HDGFL2: variants seen among roughly 807,000 people sequenced by gnomAD.
The protein encoded by HDGFL2 is hepatoma-derived growth factor-related protein 2.
Under a neutral mutation model 77.1 loss-of-function variants are expected in HDGFL2, and 36 were observed. The ratio of observed to expected loss-of-function variants is 0.47; its 90% CI spans 0.36 to 0.62. The LOEUF (loss-of-function observed/expected upper bound fraction) is 0.62. Ranked by LOEUF, HDGFL2 falls within the 20% of genes least tolerant of loss-of-function variation. HDGFL2 has a pLI of 0.00. For synonymous variants in HDGFL2, 463 were observed against 413.1 expected, an observed-to-expected ratio of 1.12 and a Z score of -1.46; for missense variants, 976 against 973.4, an observed-to-expected ratio of 1.00 and a Z score of -0.04.
At chr19:4,491,418 C>T in intron 4 of HDGFL2, 148 bp from the exon 5 acceptor site, 1 of 664,912 alleles carries the variant, frequency 1.5e-6, no homozygotes, top group Non-Finnish European at 2.7e-6. Context: ...GTTCAAGATC[C>T]CTGGTTTGAT....
In HDGFL2 at chr19:4,494,196, G is replaced by A. The variant is rs1488398118; in HGVS notation, c.945G>A (p.Glu315=). 1.3e-6 allele frequency: 2 copies of A among 1,488,964 alleles called. No homozygotes were observed. The highest frequency in any genetic ancestry group is 1.3e-5 in the South Asian group (1 of 75,026). The allele number at this position is 1,488,964 out of a possible 1,614,324, so 92.2% of individuals were successfully genotyped here. The change falls in exon 9 of 16, where the codon GAG becomes GAA. Residue 315 remains glutamate (E), a synonymous_variant. Transcript: ENST00000616600. ...GCGACGAGGTGGACCGCATCAGTGA[G>A]TGGAAGCGGCGGGACGAGGCGCGGA... ...SDSDEVDRIS[E]WKRRDEARRR...
intron 3 of HDGFL2, among the ~76,000 whole-genome samples, chr19:4,487,359 C>G (rs1975389438): frequency 1.3e-5 from 2 of 152,030 alleles, no homozygotes; most frequent in Admixed American, 1.3e-4. Flanking sequence ...TAGGCTCAAG[C>G]GATCCTCCTG....
intron 15 of HDGFL2, chr19:4,501,523 G>A: frequency 3.6e-6 from 2 of 554,512 alleles, no homozygotes; most frequent in South Asian, 2.7e-5. Context: ...CAGCTCCAGG[G>A]CTTTGAGCTG....
chr19:4,499,404 AG>A, intron 13 of HDGFL2, 86 bp from the exon 14 acceptor site: 1 of 1,164,650 alleles, frequency 8.6e-7, no homozygotes, highest in Non-Finnish European at 1.2e-6. Flanking sequence ...GGGCTGCGGG[AG>A]GGGCGCATTG....
intron 1 of HDGFL2, chr19:4,474,969 T>C (rs930319808): frequency 3.5e-5 from 11 of 315,846 alleles, no homozygotes; most frequent in African/African-American, 2.2e-4. Context: ...TGGGAGTCCA[T>C]AGACGCTGAG....
chr19:4,498,423 C>T, intron 12 of HDGFL2, 47 bp downstream of exon 12: 1 of 1,439,796 alleles, frequency 6.9e-7, no homozygotes, highest in Non-Finnish European at 9.8e-7. Flanking sequence ...GCTGCCACCT[C>T]CCTGCCAGGC....
intron 3 of HDGFL2, among the ~76,000 whole-genome samples, chr19:4,480,348 C>A (rs1002931796): frequency 3.9e-5 from 6 of 152,186 alleles, no homozygotes; most frequent in African/African-American, 1.4e-4. Context: ...AGCTCCCAGG[C>A]TGGCATTCTT....
chr19:4,501,776 C>T (rs1367287851), intron 15 of HDGFL2, 135 bp from the exon 16 acceptor site: 2 of 611,972 alleles, frequency 3.3e-6, no homozygotes, highest in African/African-American at 1.9e-5. Flanking sequence ...AGAAGACAGG[C>T]AGATAGGAGG....
chr19:4,475,230 T>A lies in HDGFL2; in HGVS notation c.73-45T>A, dbSNP rs1474441677. The A allele has an allele frequency of 2.6e-6, 4 of 1,561,774 alleles. No individual in the cohort carries two copies. The East Asian group carries it at 9.0e-5, about 35-fold the overall frequency. Reference sequence around the variant, plus strand: ...CTTGGCTGATTTCTCGGTGATTTCCTGGGTCAGTGGGTAAAGCCACCCCCT... The same window carrying A: ...CTTGGCTGATTTCTCGGTGATTTCCAGGGTCAGTGGGTAAAGCCACCCCCT... On this transcript the variant is annotated intron_variant, in intron 1 of 15. Coordinates refer to ENST00000616600, the MANE Select transcript of HDGFL2 (RefSeq NM_001001520.3).
chr19:4,490,496 G>A (rs1288245001), intron 4 of HDGFL2, among the ~76,000 whole-genome samples: 1 of 152,220 alleles, frequency 6.6e-6, no homozygotes, highest in Non-Finnish European at 1.5e-5. Context: ...GGCCATTCCA[G>A]ATCAGGCTGC....
intron 9 of HDGFL2, among the ~76,000 whole-genome samples, chr19:4,494,954 G>A (rs1975661959): frequency 6.6e-6 from 1 of 151,956 alleles, no homozygotes; most frequent in African/African-American, 2.4e-5. Context: ...CTGTACAGAT[G>A]ACATGAGGGT....
At chr19:4,493,451 G>A (rs1975602428) in intron 6 of HDGFL2, among the ~76,000 whole-genome samples, 1 of 152,106 alleles carries the variant, frequency 6.6e-6, no homozygotes, top group African/African-American at 2.4e-5. Context: ...GGCTTCTGAT[G>A]TACCCGGTTC....
At chr19:4,484,289 GGCCAGGCTGGTCTCGAACTCCT>G (rs1382372519) in intron 3 of HDGFL2, among the ~76,000 whole-genome samples, 4 of 148,736 alleles carry the variant, frequency 2.7e-5, no homozygotes, top group Admixed American at 6.8e-5. Flanking sequence ...TGGCCATCTT[GGCCAGGCTGGTCTCGAACTCCT>G]GACCTCAGGT....
At chr19:4,484,649 G>A (rs928855589) in intron 3 of HDGFL2, among the ~76,000 whole-genome samples, 24 of 140,364 alleles carry the variant, frequency 1.7e-4, no homozygotes, top group African/African-American at 5.4e-4. Context: ...ACAGGCACCC[G>A]CCATCACGCC....
At chr19:4,487,171 T>G (rs1166540858) in intron 3 of HDGFL2, among the ~76,000 whole-genome samples, 4 of 152,148 alleles carry the variant, frequency 2.6e-5, no homozygotes, top group Non-Finnish European at 5.9e-5. Flanking sequence ...TTTCACCATC[T>G]TGGCCAGGCA....
At chr19:4,482,987 C>T (rs1287933603) in intron 3 of HDGFL2, among the ~76,000 whole-genome samples, 1 of 152,192 alleles carries the variant, frequency 6.6e-6, no homozygotes, top group East Asian at 1.9e-4. Flanking sequence ...TCCCCACCCC[C>T]AGCGCTTGTC....
intron 9 of HDGFL2, among the ~76,000 whole-genome samples, chr19:4,495,401 AAAAAAAAAT>A (rs1445577049): frequency 6.6e-6 from 1 of 151,074 alleles, no homozygotes; most frequent in African/African-American, 2.4e-5. Flanking sequence ...AAAAAAAAAA[AAAAAAAAAT>A]AGGCTCCGAA....
intron 15 of HDGFL2, 76 bp downstream of exon 15, chr19:4,501,393 C>A (rs1975878653): frequency 1.3e-6 from 2 of 1,489,026 alleles, no homozygotes; most frequent in South Asian, 1.3e-5. Flanking sequence ...CGAGCCGCTC[C>A]TCCTGTGCCA....
chr19:4,492,135 A>G (rs1311394529), intron 6 of HDGFL2, among the ~76,000 whole-genome samples: 1 of 152,194 alleles, frequency 6.6e-6, no homozygotes, highest in African/African-American at 2.4e-5. Flanking sequence ...CGAGAGGGAC[A>G]CAGAAGAGAG....
Sources: allele counts gnomAD v4.1 joint callset (sites outside exome capture counted in the v4.1 genomes callset), GRCh38; gene constraint gnomAD v4.1.1; transcripts MANE v1.5; gene names NCBI Gene and HGNC (gene_info 2026-07-23, HGNC 2026-07-21).